The following BSN variants were observed in gnomAD, a reference collection of about 807,000 sequenced individuals.
The protein encoded by BSN is bassoon presynaptic cytomatrix protein.
In BSN, 57 loss-of-function variants were observed where a neutral mutation model predicts 264.8. The observed-to-expected ratio is 0.22, with a 90% CI of 0.17 to 0.27. The LOEUF is 0.27. Ranked by LOEUF, BSN falls within the 10% of genes least tolerant of loss-of-function variation. The pLI is 1.00. For missense variants in BSN, 4,615 were observed against 5,232.5 expected (o/e 0.88, Z 3.64); for synonymous variants, 2,059 against 2,137.3 (o/e 0.96, Z 1.01).
At chr3:49,562,594 C>T (rs1029701462) in intron 1 of BSN, among the ~76,000 whole-genome samples, 2 of 152,160 alleles carry the variant, frequency 1.3e-5, no homozygotes, top group Admixed American at 1.3e-4. Context: ...ATAACATTCA[C>T]GTATTCTGTT....
At chr3:49,608,682 G>T (rs1470844078) in intron 1 of BSN, among the ~76,000 whole-genome samples, 1 of 152,086 alleles carries the variant, frequency 6.6e-6, no homozygotes, top group East Asian at 1.9e-4. Flanking sequence ...ACAAAAACTA[G>T]CTGGGCATGG....
chr3:49,571,054 A>G (rs1367773506), intron 1 of BSN, among the ~76,000 whole-genome samples: 1 of 152,282 alleles, frequency 6.6e-6, no homozygotes, highest in Non-Finnish European at 1.5e-5. Context: ...CTTAGTCCCT[A>G]CTAGTGGCTC....
At chr3:49,647,268 C>A (rs2052508677) in intron 3 of BSN, among the ~76,000 whole-genome samples, 1 of 152,210 alleles carries the variant, frequency 6.6e-6, no homozygotes, top group African/African-American at 2.4e-5. Context: ...CTAGAGGGCA[C>A]CCCACTAACT....
intron 1 of BSN, among the ~76,000 whole-genome samples, chr3:49,620,192 C>G (rs576470698): frequency 1.5e-4 from 23 of 151,970 alleles, no homozygotes. Context: ...ACAGCAAATC[C>G]GAGGCGGGCG....
At chr3:49,612,670 A>T (rs1300959964) in intron 1 of BSN, among the ~76,000 whole-genome samples, 2 of 152,214 alleles carry the variant, frequency 1.3e-5, no homozygotes, top group Non-Finnish European at 2.9e-5. Flanking sequence ...GTGAGGGGAA[A>T]ACTATGGGTT....
At chr3:49,590,283 C>G (rs2051968464) in intron 1 of BSN, among the ~76,000 whole-genome samples, 1 of 151,884 alleles carries the variant, frequency 6.6e-6, no homozygotes, top group Non-Finnish European at 1.5e-5. Context: ...TTCTTTGAAT[C>G]TAAAATATGT....
At chr3:49,579,398 G>A (rs989213269) in intron 1 of BSN, among the ~76,000 whole-genome samples, 2 of 151,388 alleles carry the variant, frequency 1.3e-5, no homozygotes, top group African/African-American at 4.9e-5. Flanking sequence ...TCATAGATGC[G>A]CTTTACAATT....
In BSN at chr3:49,657,998, T is replaced by A; in HGVS notation, c.8442T>A (p.Ser2814Arg). 2 of 1,612,930 alleles carry A rather than the reference T, an allele frequency of 1.2e-6. No individual in the cohort carries two copies. The highest frequency in any genetic ancestry group is 1.7e-4 in the Middle Eastern group (1 of 6,056). Residue 2814 changes from serine to arginine, a missense_variant, in exon 5 of 12, where the codon AGT becomes AGA. Physicochemically the swap from Ser to Arg is moderately radical, Grantham distance 110. Transcript: ENST00000296452. Reference sequence around the variant, plus strand: ...TCCTGGACACCTCCTTTGCTTCCAGTGAGAGGCTGAACAAAGCTCACGTGA... The same window carrying A: ...TCCTGGACACCTCCTTTGCTTCCAGAGAGAGGCTGAACAAAGCTCACGTGA... Reference protein sequence around the residue: ...HRLLDTSFASSERLNKAHVSP... With the variant: ...HRLLDTSFASRERLNKAHVSP...
At chr3:49,643,225 A>G (rs1161530719) in intron 3 of BSN, 73 bp downstream of exon 3, 13 of 1,517,106 alleles carry the variant, frequency 8.6e-6, no homozygotes, top group Non-Finnish European at 1.1e-5. Flanking sequence ...TGTCATGGGA[A>G]CCAGAAAGAG....
In BSN at chr3:49,655,316, C is replaced by G; in HGVS notation, c.5760C>G (p.Ala1920=). ...GCTGCACTGGCACCTTCCACCCGGC[C>G]CCCAGTGTGCCTGAGAAGAGCATGG... The part of the protein sequence containing the change: ...GSSCTGTFHP[A]PSVPEKSMAD... Residue 1920 remains alanine (A), a synonymous_variant, in exon 5 of 12, where the codon GCC becomes GCG. Coordinates refer to ENST00000296452, the MANE Select transcript of BSN (RefSeq NM_003458.4). 2 of 1,610,612 alleles carry G rather than the reference C, an allele frequency of 1.2e-6. No homozygotes were observed. The highest frequency in any genetic ancestry group is 1.7e-4 in the Middle Eastern group (1 of 6,048).
At chr3:49,615,410 A>C (rs1214626960) in intron 1 of BSN, among the ~76,000 whole-genome samples, 4 of 152,172 alleles carry the variant, frequency 2.6e-5, no homozygotes, top group African/African-American at 9.7e-5. Flanking sequence ...CCAAGGACCT[A>C]GCTCTCTGGG....
chr3:49,565,563 A>G (rs1339249976), intron 1 of BSN, among the ~76,000 whole-genome samples: 3 of 151,478 alleles, frequency 2.0e-5, no homozygotes, highest in South Asian at 4.2e-4. Flanking sequence ...CTCGTGATCC[A>G]CCCGCCTCGG....
intron 1 of BSN, among the ~76,000 whole-genome samples, chr3:49,555,307 ACTTGGT>A (rs2051659106): frequency 6.6e-6 from 1 of 152,090 alleles, no homozygotes; most frequent in Non-Finnish European, 1.5e-5. Context: ...TGAACCATGA[ACTTGGT>A]CTTGGGCTTT....
intron 3 of BSN, among the ~76,000 whole-genome samples, chr3:49,646,724 T>C (rs1304025125): frequency 6.6e-6 from 1 of 152,188 alleles, no homozygotes; most frequent in Non-Finnish European, 1.5e-5. Flanking sequence ...TGGGTGTGGA[T>C]GGACCCTGTG....
chr3:49,563,484 G>A (rs1210823150), intron 1 of BSN, among the ~76,000 whole-genome samples: 1 of 152,224 alleles, frequency 6.6e-6, no homozygotes, highest in African/African-American at 2.4e-5. Flanking sequence ...GGGAAGGGTG[G>A]GGCATGGGAA....
chr3:49,663,498 G>C lies in BSN; in HGVS notation c.11340G>C (p.Gln3780His). The C allele has an allele frequency of 6.2e-7, 1 of 1,613,142 alleles. No individual in the cohort carries two copies. The highest frequency in any genetic ancestry group is 8.5e-7 in the Non-Finnish European group (1 of 1,179,982). The change falls in exon 7 of 12, where the codon CAG becomes CAC. Residue 3780 changes from glutamine (Q) to histidine (H), a missense_variant. Transcript: ENST00000296452. ...GAASRQPQTQ[Q>H]QQQGLGLQPP... Reference sequence around the variant, plus strand: ...CATCACGCCAGCCACAGACACAGCAGCAGCAGCAAGGTCTTGGGCTGCAGC... The same window carrying C: ...CATCACGCCAGCCACAGACACAGCACCAGCAGCAAGGTCTTGGGCTGCAGC...
intron 1 of BSN, among the ~76,000 whole-genome samples, chr3:49,605,789 TATAA>T (rs1273857534): frequency 1.3e-5 from 1 of 79,668 alleles, no homozygotes; most frequent in African/African-American, 5.0e-5. Flanking sequence ...ATATATAATA[TATAA>T]ATATATTTAT....
chr3:49,665,645 C>T (rs1036885232), intron 11 of BSN, among the ~76,000 whole-genome samples: 1 of 152,258 alleles, frequency 6.6e-6, no homozygotes, highest in African/African-American at 2.4e-5. Flanking sequence ...GGGGAACATG[C>T]TTCTTCCCTG....
In BSN at chr3:49,587,021, G is replaced by A. The variant is rs563049720; in HGVS notation, c.224+32195G>A. On this transcript the variant is annotated intron_variant, in intron 1 of 11. Transcript: ENST00000296452. ...GTAGTATGGACATTTAAACAATATT[G>A]ATTCTTCCAATCCATGAATATGGAA... 3.0e-4 allele frequency among the ~76,000 whole-genome samples: 46 copies of A among 152,132 alleles called. No individual in the cohort carries two copies. The South Asian group carries it at 9.5e-3, about 32-fold the overall frequency.
Sources: gnomAD v4.1 joint callset for allele counts (sites outside exome capture counted in the v4.1 genomes callset) on GRCh38, gnomAD v4.1.1 for gene constraint, MANE v1.5 for transcripts, NCBI Gene and HGNC (gene_info 2026-07-23, HGNC 2026-07-21) for gene names.